Variants in DMD observed in about 807,000 individuals in gnomAD.
DMD encodes dystrophin, also known as mutant dystrophin.
DMD carries 63 observed loss-of-function variants against 330.1 expected under a neutral mutation model. The ratio of observed to expected loss-of-function variants is 0.19; its 90% CI spans 0.16 to 0.24. The LOEUF (loss-of-function observed/expected upper bound fraction) is 0.24. Among genes scored for constraint, DMD ranks in the 10% least tolerant of loss-of-function variants. The pLI is 1.00. For synonymous variants in DMD, 1,223 were observed against 959.8 expected, an observed-to-expected ratio of 1.27 and a Z score of -5.07; for missense variants, 3,344 against 2,684.1, an observed-to-expected ratio of 1.25 and a Z score of -5.43.
intron 1 of DMD, among the ~76,000 whole-genome samples, chrX:33,024,179 T>C (rs2093959834): frequency 8.9e-6 from 1 of 111,894 alleles, no homozygotes; most frequent in Non-Finnish European, 1.9e-5. Context: ...TAGTAAAACA[T>C]ATTAATGTGC....
intron 1 of DMD, among the ~76,000 whole-genome samples, chrX:33,226,919 A>G (rs1361071407): frequency 3.6e-5 from 4 of 109,796 alleles, no homozygotes; most frequent in Non-Finnish European, 7.6e-5. Flanking sequence ...GTGAAGCCTG[A>G]TGGAGATTAG....
intron 44 of DMD, among the ~76,000 whole-genome samples, chrX:31,990,369 T>C (rs908873602): frequency 1.8e-5 from 2 of 112,135 alleles, no homozygotes; most frequent in Non-Finnish European, 3.8e-5. Flanking sequence ...AAAGTATGTC[T>C]GTTTTTATCC....
chrX:31,388,298 C>T (rs1267253640), intron 60 of DMD, among the ~76,000 whole-genome samples: 8 of 110,844 alleles, frequency 7.2e-5, no homozygotes, highest in African/African-American at 2.6e-4. Flanking sequence ...CCACCACGCC[C>T]GGCCTATCAT....
intron 78 of DMD, among the ~76,000 whole-genome samples, chrX:31,122,991 A>ATGCTT (rs1247036139): frequency 8.9e-6 from 1 of 111,925 alleles, no homozygotes; most frequent in African/African-American, 3.2e-5. Context: ...TGGAACTGAA[A>ATGCTT]TGCTTTACTA....
chrX:31,393,796 T>C (rs1031966081), intron 60 of DMD, among the ~76,000 whole-genome samples: 1 of 111,869 alleles, frequency 8.9e-6, no homozygotes, highest in African/African-American at 3.3e-5. Flanking sequence ...ACCCCACACG[T>C]TGACTCCCAG....
chrX:33,163,101 T>C (rs181832840), intron 1 of DMD, among the ~76,000 whole-genome samples: 178 of 111,660 alleles, frequency 1.6e-3, no homozygotes, highest in African/African-American at 5.5e-3. Flanking sequence ...GTACAATATA[T>C]ACAATTTAAA....
At chrX:32,675,038 G>A (rs777717477) in intron 9 of DMD, among the ~76,000 whole-genome samples, 6 of 111,297 alleles carry the variant, frequency 5.4e-5, no homozygotes, top group Admixed American at 1.9e-4. Context: ...CTTCAGTGCC[G>A]AATGTTCTGA....
At chrX:31,398,141 G>T (rs1276495066) in intron 60 of DMD, among the ~76,000 whole-genome samples, 1 of 112,142 alleles carries the variant, frequency 8.9e-6, no homozygotes, top group African/African-American at 3.2e-5. Flanking sequence ...TATGAAAAAA[G>T]CACTACTGTA....
At chrX:32,097,131 GTGCAGATT>G (rs1339930647) in intron 44 of DMD, among the ~76,000 whole-genome samples, 1 of 110,869 alleles carries the variant, frequency 9.0e-6, no homozygotes, top group Non-Finnish European at 1.9e-5. Context: ...TGTGCAGAAC[GTGCAGATT>G]TGTTACATAG....
intron 60 of DMD, among the ~76,000 whole-genome samples, chrX:31,391,714 T>C (rs973052699): frequency 4.6e-5 from 5 of 109,101 alleles, no homozygotes; most frequent in Non-Finnish European, 7.6e-5. Context: ...CTCCTAAAAA[T>C]ACAAAAATTA....
In DMD at chrX:33,243,809, CACTT is replaced by C. The variant is rs200746189; in HGVS notation, c.7+95446_7+95449del. On this transcript the variant is annotated intron_variant, in intron 1 of 17. Transcript: ENST00000288447. ...CTGAAAGACAAATACTGCATGTTCT[CACTT>C]ACATGTGGGAGCAAAATAATGTGTA... 3.6e-5 allele frequency among the ~76,000 whole-genome samples: 4 copies of C among 111,513 alleles called. No individual in the cohort carries two copies. In the East Asian group the frequency reaches 1.1e-3, roughly 31 times the overall value.
chrX:32,971,569 T>C (rs887531824), intron 2 of DMD, among the ~76,000 whole-genome samples: 4 of 111,802 alleles, frequency 3.6e-5, no homozygotes, highest in African/African-American at 1.3e-4. Context: ...TCATATTTAA[T>C]GCCTGTTACA....
rs756033149 is a variant in DMD at position 31,147,433 on chromosome X, G to T, written c.10639C>A (p.Pro3547Thr). 8.3e-7 allele frequency: 1 copy of T among 1,207,798 alleles called. No individual in the cohort carries two copies. Among genetic ancestry groups the T allele is most frequent in the Non-Finnish European group, 1.1e-6 (1 of 892,886 alleles). The change falls in exon 75 of 79, where the codon CCC becomes ACC. Residue 3547 changes from proline (P) to threonine (T), a missense_variant. Transcript: ENST00000357033. ...TCCCGGGGACTCTGGGGAGAGGTGG[G>T]CATCATTTCAGGAGGGGACGGCAGT... Reference protein sequence around the residue: ...SPLPSPPEMMPTSPQSPRDAE... With the variant: ...SPLPSPPEMMTTSPQSPRDAE...
intron 16 of DMD, among the ~76,000 whole-genome samples, chrX:32,554,919 AAGAAAGAAAGAAAGAAAGAAAGAG>A (rs762692605): frequency 0.23 from 9,491 of 41,169 alleles, 1,455 homozygotes; most frequent in East Asian, 0.37. Context: ...GAAAGAAAGA[AAGAAAGAAAGAAAGAAAGAAAGAG>A]AGAGAGAGGG....
At position 31,421,914 on chromosome X, in the gene DMD, C is replaced by CAT. The variant is rs1266640554; in HGVS notation, c.9084+22565_9084+22566dup. 8.8e-3 allele frequency among the ~76,000 whole-genome samples: 564 copies of CAT among 63,992 alleles called. 14 individuals carry two copies. Among genetic ancestry groups the CAT allele is most frequent in the Admixed American group, 0.039 (226 of 5,809 alleles). 55.6% of individuals were successfully genotyped at this position (63,992 alleles called of 115,157 possible). A position where few individuals can be genotyped will look rare whatever the true frequency, so the allele number is the denominator to read the frequency against. Reference sequence around the variant, plus strand: ...ATATATATATATACACACACACACACATATATATATATATATATACACACA... The same window carrying CAT: ...ATATATATATATACACACACACACACATATATATATATATATATATACACACA... On this transcript the variant is annotated intron_variant, in intron 60 of 78. Coordinates refer to ENST00000357033, the MANE Select transcript of DMD (RefSeq NM_004006.3).
chrX:31,367,488 T>C (rs754841791), intron 60 of DMD, among the ~76,000 whole-genome samples: 93 of 111,635 alleles, frequency 8.3e-4, no homozygotes, highest in African/African-American at 3.0e-3. Flanking sequence ...TTTTAATGAC[T>C]GTCCCTGCAA....
intron 21 of DMD, among the ~76,000 whole-genome samples, chrX:32,479,381 C>T (rs1325978940): frequency 9.0e-6 from 1 of 110,989 alleles, no homozygotes; most frequent in Non-Finnish European, 1.9e-5. Context: ...CAATTTATTC[C>T]TCCAGTCTAA....
intron 52 of DMD, among the ~76,000 whole-genome samples, chrX:31,694,617 C>CATATATATGTATATATAT (rs1556821029): frequency 3.4e-5 from 2 of 58,188 alleles, no homozygotes; most frequent in African/African-American, 1.5e-4. Flanking sequence ...TGACAAACAG[C>CATATATATGTATATATAT]ATATATATAT....
At chrX:33,298,915 G>A (rs1345870952) in intron 1 of DMD, among the ~76,000 whole-genome samples, 1 of 111,635 alleles carries the variant, frequency 9.0e-6, no homozygotes, top group Non-Finnish European at 1.9e-5. Flanking sequence ...AGTGAGTGCG[G>A]AAGTGATTCC....
Sources: allele counts gnomAD v4.1 joint callset (sites outside exome capture counted in the v4.1 genomes callset), GRCh38; gene constraint gnomAD v4.1.1; transcripts MANE v1.5; gene names NCBI Gene and HGNC (gene_info 2026-07-23, HGNC 2026-07-21).